MBTD1: variants seen among roughly 807,000 people sequenced by gnomAD.
MBTD1 encodes MBT domain-containing protein 1.
A neutral mutation model predicts 87.8 loss-of-function variants in MBTD1; 24 were observed. The observed-to-expected ratio is 0.27, with a 90% CI of 0.20 to 0.38. MBTD1 has a LOEUF of 0.38. MBTD1 is among the 10% of genes least tolerant of loss of function. The pLI, the probability that MBTD1 is intolerant of heterozygous loss-of-function variation, is 1.00. For missense variants in MBTD1, 436 were observed against 760.2 expected (o/e 0.57, Z 5.02); for synonymous variants, 237 against 248.6 (o/e 0.95, Z 0.44).
At chr17:51,244,558 C>T (rs1488812748) in intron 2 of MBTD1, among the ~76,000 whole-genome samples, 2 of 151,976 alleles carry the variant, frequency 1.3e-5, no homozygotes, top group Non-Finnish European at 1.5e-5. Flanking sequence ...CAGGTGTGCA[C>T]CAACAAGCCA....
At chr17:51,237,842 C>G (rs1163710768) in intron 2 of MBTD1, among the ~76,000 whole-genome samples, 1 of 152,124 alleles carries the variant, frequency 6.6e-6, no homozygotes, top group Non-Finnish European at 1.5e-5. Context: ...ACATAAACAC[C>G]AATGGTCATC....
chr17:51,242,402 A>G (rs1461494539), intron 2 of MBTD1, among the ~76,000 whole-genome samples: 2 of 152,164 alleles, frequency 1.3e-5, no homozygotes, highest in Non-Finnish European at 2.9e-5. Flanking sequence ...TAGACATTTA[A>G]ATAGTTACAG....
intron 13 of MBTD1, among the ~76,000 whole-genome samples, chr17:51,194,447 G>GT (rs756565582): frequency 6.6e-6 from 1 of 151,286 alleles, no homozygotes; most frequent in Admixed American, 6.6e-5. Flanking sequence ...GTGCACACCT[G>GT]TAATTCCAGC....
intron 2 of MBTD1, chr17:51,250,970 CT>C (rs2054745271): frequency 6.6e-6 from 1 of 152,022 alleles, no homozygotes; most frequent in African/African-American, 2.4e-5. Context: ...ATGATTTTAT[CT>C]TCTATTTTTC....
chr17:51,204,803 G>C (rs2051719587), intron 7 of MBTD1, among the ~76,000 whole-genome samples: 1 of 152,128 alleles, frequency 6.6e-6, no homozygotes, highest in African/African-American at 2.4e-5. Flanking sequence ...GCTTGGCCTT[G>C]AAATGTATTT....
chr17:51,252,131 T>C (rs753162193), intron 2 of MBTD1, among the ~76,000 whole-genome samples: 2 of 152,188 alleles, frequency 1.3e-5, no homozygotes, highest in Non-Finnish European at 2.9e-5. Flanking sequence ...ATGCTTAGTA[T>C]GTGTCAGGCA....
At chr17:51,256,314 C>T (rs1444794071) in intron 2 of MBTD1, 4 of 152,046 alleles carry the variant, frequency 2.6e-5, no homozygotes, top group Non-Finnish European at 2.9e-5. Context: ...CACCTAAGAT[C>T]GCAGTTCAGA....
At chr17:51,207,042 A>G (rs751995445) in intron 6 of MBTD1, 37 bp from the exon 7 acceptor site, 3 of 1,153,368 alleles carry the variant, frequency 2.6e-6, no homozygotes, top group African/African-American at 3.0e-5. Context: ...TGTCTTATTA[A>G]CATAAAGCCT....
intron 12 of MBTD1, among the ~76,000 whole-genome samples, chr17:51,196,357 G>A (rs1372558417): frequency 1.3e-5 from 2 of 151,546 alleles, no homozygotes; most frequent in Non-Finnish European, 2.9e-5. Context: ...CCAAGTAGCT[G>A]GGATTACAGG....
chr17:51,259,328 C>T, intron 1 of MBTD1, 122 bp from the exon 2 acceptor site: 3 of 1,052,872 alleles, frequency 2.8e-6, no homozygotes, highest in Non-Finnish European at 2.4e-6. Flanking sequence ...TCCCACCTCT[C>T]CCGCACGTGC....
chr17:51,186,752 C>T (rs534566989), intron 16 of MBTD1, among the ~76,000 whole-genome samples: 7 of 150,912 alleles, frequency 4.6e-5, no homozygotes, highest in South Asian at 2.1e-4. Flanking sequence ...CCAACCTGGG[C>T]GACAAAGCAA....
chr17:51,226,662 C>T (rs988198404), intron 2 of MBTD1, among the ~76,000 whole-genome samples: 2 of 151,060 alleles, frequency 1.3e-5, no homozygotes, highest in South Asian at 2.1e-4. Context: ...GACAGAGTCT[C>T]GCTCTGTCAC....
At chr17:51,208,494 TTAAAAAGGAGACAC>T (rs1195238180) in intron 6 of MBTD1, among the ~76,000 whole-genome samples, 1 of 152,210 alleles carries the variant, frequency 6.6e-6, no homozygotes, top group African/African-American at 2.4e-5. Context: ...GCAGATATGA[TTAAAAAGGAGACAC>T]TAGAAAGAAG....
intron 6 of MBTD1, among the ~76,000 whole-genome samples, chr17:51,208,898 G>A (rs1598338108): frequency 6.6e-6 from 1 of 152,270 alleles, no homozygotes; most frequent in East Asian, 1.9e-4. Flanking sequence ...CACTTTGGTG[G>A]AGGATACTGT....
rs2050195206 is a variant in MBTD1 at position 51,179,442 on chromosome 17, GGTT to G, written c.*1131_*1133del. 1 of 115,034 alleles carries G rather than the reference GGTT, an allele frequency of 8.7e-6. No individual in the cohort carries two copies. The highest frequency in any genetic ancestry group is 1.7e-5 in the Non-Finnish European group (1 of 57,800). 7.1% of individuals were successfully genotyped at this position (115,034 alleles called of 1,614,324 possible). ...GGGAATGTTCAAAATGGTCCAAATC[GGTT>G]ATTATTAAAATAAATCCTGAATACA... On this transcript the variant is annotated 3_prime_UTR_variant, in exon 17 of 17. Transcript: ENST00000586178.
At chr17:51,243,053 T>C (rs949934745) in intron 2 of MBTD1, among the ~76,000 whole-genome samples, 80 of 152,344 alleles carry the variant, frequency 5.3e-4, no homozygotes, top group African/African-American at 1.8e-3. Flanking sequence ...TGTGTGTTTA[T>C]ACTGTGCATG....
chr17:51,201,076 C>T (rs1356254268), intron 12 of MBTD1, among the ~76,000 whole-genome samples: 2 of 152,010 alleles, frequency 1.3e-5, no homozygotes, highest in African/African-American at 2.4e-5. Flanking sequence ...TCACTTGAGC[C>T]TGTGATCACA....
At chr17:51,194,431 G>A (rs1228777149) in intron 13 of MBTD1, among the ~76,000 whole-genome samples, 4 of 151,918 alleles carry the variant, frequency 2.6e-5, no homozygotes, top group African/African-American at 9.7e-5. Context: ...TCAGCTGGGC[G>A]TGGTGGTGCA....
intron 12 of MBTD1, among the ~76,000 whole-genome samples, chr17:51,200,786 C>T (rs1598316497): frequency 6.9e-6 from 1 of 144,542 alleles, no homozygotes; most frequent in East Asian, 2.0e-4. Context: ...ATCACCTGAG[C>T]CTGGGAGGCA....
Sources: allele counts gnomAD v4.1 joint callset (sites outside exome capture counted in the v4.1 genomes callset), GRCh38; gene constraint gnomAD v4.1.1; transcripts MANE v1.5; gene names NCBI Gene and HGNC (gene_info 2026-07-23, HGNC 2026-07-21).